Variants in CCDC91 observed in about 807,000 individuals in gnomAD.
The protein encoded by CCDC91 is coiled-coil domain-containing protein 91.
CCDC91 carries 48 observed loss-of-function variants against 63.2 expected under a neutral mutation model. The observed-to-expected ratio is 0.76, with a 90% CI of 0.60 to 0.97. The LOEUF is 0.97. CCDC91 is among the 50% of genes least tolerant of loss of function. The probability of loss-of-function intolerance (pLI) is 0.00; values close to 1 mark genes in which losing one functional copy is unlikely to be tolerated. For synonymous variants in CCDC91, 167 were observed against 165.8 expected (o/e 1.01, Z -0.06); for missense variants, 500 against 494.6 (o/e 1.01, Z -0.10).
chr12:28,508,469 T>C (rs1939000578), intron 12 of CCDC91, among the ~76,000 whole-genome samples: 1 of 151,866 alleles, frequency 6.6e-6, no homozygotes, highest in Non-Finnish European at 1.5e-5. Context: ...GCTTGTCTAT[T>C]TACAGTCAAA....
chr12:28,209,260 AAACCTTTTAT>A (rs1241335352), intron 1 of CCDC91, among the ~76,000 whole-genome samples: 1 of 152,204 alleles, frequency 6.6e-6, no homozygotes, highest in Middle Eastern at 3.2e-3. Context: ...AGATTCTCAT[AAACCTTTTAT>A]AACCTTTTAC....
At chr12:28,473,237 T>C (rs1950911346) in intron 11 of CCDC91, among the ~76,000 whole-genome samples, 1 of 152,152 alleles carries the variant, frequency 6.6e-6, no homozygotes, top group South Asian at 2.1e-4. Context: ...ACAGCAACTC[T>C]TTACTACTGC....
intron 12 of CCDC91, among the ~76,000 whole-genome samples, chr12:28,491,568 C>A (rs1952004412): frequency 6.6e-6 from 1 of 151,680 alleles, no homozygotes; most frequent in Admixed American, 6.6e-5. Flanking sequence ...TCAGGATGGA[C>A]TTTTGGTTTC....
At chr12:28,371,730 T>C (rs377158495) in intron 7 of CCDC91, among the ~76,000 whole-genome samples, 5 of 152,192 alleles carry the variant, frequency 3.3e-5, no homozygotes, top group East Asian at 1.9e-4. Flanking sequence ...GAGAAATCCA[T>C]GGATATGGAG....
chr12:28,234,453 C>T (rs1320849384), intron 1 of CCDC91, among the ~76,000 whole-genome samples: 1 of 152,100 alleles, frequency 6.6e-6, no homozygotes, highest in Non-Finnish European at 1.5e-5. Context: ...TCAACTTTTT[C>T]ATGGAAACAA....
intron 12 of CCDC91, among the ~76,000 whole-genome samples, chr12:28,524,653 T>C (rs559409777): frequency 1.1e-4 from 17 of 152,268 alleles, no homozygotes; most frequent in South Asian, 4.1e-4. Flanking sequence ...TTCTGTCTTG[T>C]AGAATAGTGT....
intron 1 of CCDC91, among the ~76,000 whole-genome samples, chr12:28,229,804 C>T (rs1944479155): frequency 1.3e-5 from 2 of 151,938 alleles, no homozygotes; most frequent in African/African-American, 2.4e-5. Flanking sequence ...TTTTAGCTCA[C>T]GTTGGACTAA....
intron 6 of CCDC91, among the ~76,000 whole-genome samples, chr12:28,326,911 T>A (rs1014526597): frequency 2.6e-5 from 4 of 151,836 alleles, no homozygotes; most frequent in African/African-American, 7.3e-5. Context: ...TTCGATGCAA[T>A]AGAATTGAAA....
At chr12:28,228,385 A>G (rs1020424453) in intron 1 of CCDC91, among the ~76,000 whole-genome samples, 2 of 152,120 alleles carry the variant, frequency 1.3e-5, no homozygotes, top group Non-Finnish European at 2.9e-5. Flanking sequence ...CTGTCTTTCT[A>G]TTAAACTGTG....
chr12:28,481,960 C>G (rs1951471905), intron 11 of CCDC91, among the ~76,000 whole-genome samples: 1 of 151,810 alleles, frequency 6.6e-6, no homozygotes, highest in Admixed American at 6.6e-5. Flanking sequence ...TAAATTGATG[C>G]TTTTGCTTTT....
chr12:28,330,125 A>G (rs1165532557), intron 6 of CCDC91, among the ~76,000 whole-genome samples: 1 of 152,182 alleles, frequency 6.6e-6, no homozygotes, highest in Non-Finnish European at 1.5e-5. Context: ...CATTGGGTCT[A>G]TACCCAGTAA....
chr12:28,513,898 T>C (rs1939651371), intron 12 of CCDC91, among the ~76,000 whole-genome samples: 2 of 151,930 alleles, frequency 1.3e-5, no homozygotes, highest in African/African-American at 4.8e-5. Context: ...GTCTTTGCTA[T>C]TGTGAATAGC....
At chr12:28,505,839 T>G (rs1239915022) in intron 12 of CCDC91, among the ~76,000 whole-genome samples, 1 of 152,004 alleles carries the variant, frequency 6.6e-6, no homozygotes, top group Non-Finnish European at 1.5e-5. Flanking sequence ...ATTTGCCTTG[T>G]ATTTCTTGAA....
intron 8 of CCDC91, among the ~76,000 whole-genome samples, chr12:28,424,658 A>T (rs1005925060): frequency 2.6e-5 from 4 of 152,136 alleles, no homozygotes; most frequent in Admixed American, 1.3e-4. Flanking sequence ...TTAATAATTT[A>T]AAATATTAAT....
At position 28,461,121 on chromosome 12, in the gene CCDC91, A is replaced by G. The variant is rs369127493; in HGVS notation, c.1101+8467A>G. ...GTAAGTGTGTATCTAAACAAAAAAA[A>G]AGAACAGTAAAAATACCTGTTATAA... On this transcript the variant is annotated intron_variant, in intron 11 of 12. Transcript: ENST00000536442. Among the ~76,000 whole-genome samples, 19 of 152,186 alleles carry G rather than the reference A, an allele frequency of 1.2e-4. No homozygotes were observed. The East Asian group carries it at 3.7e-3, about 29-fold the overall frequency.
At chr12:28,321,463 A>G (rs572356426) in intron 6 of CCDC91, among the ~76,000 whole-genome samples, 1 of 151,890 alleles carries the variant, frequency 6.6e-6, no homozygotes, top group Non-Finnish European at 1.5e-5. Flanking sequence ...TATGGATTGA[A>G]TGGTTTCCCC....
intron 8 of CCDC91, among the ~76,000 whole-genome samples, chr12:28,410,591 G>A (rs1947255797): frequency 6.6e-6 from 1 of 151,898 alleles, no homozygotes; most frequent in Non-Finnish European, 1.5e-5. Flanking sequence ...GCATGATCTC[G>A]GCTCACTGCA....
chr12:28,469,339 G>A (rs1950696194), intron 11 of CCDC91, among the ~76,000 whole-genome samples: 2 of 151,938 alleles, frequency 1.3e-5, no homozygotes, highest in South Asian at 4.2e-4. Context: ...ATTTACAGTA[G>A]GTACAAATGA....
At chr12:28,305,613 A>G in intron 3 of CCDC91, 36 bp from the exon 4 acceptor site, 1 of 1,563,662 alleles carries the variant, frequency 6.4e-7, no homozygotes, top group Non-Finnish European at 8.7e-7. Context: ...TCTCTTTAAT[A>G]ATCCTATCCT....
Sources: gnomAD v4.1 joint callset for allele counts (sites outside exome capture counted in the v4.1 genomes callset) on GRCh38, gnomAD v4.1.1 for gene constraint, MANE v1.5 for transcripts, NCBI Gene and HGNC (gene_info 2026-07-23, HGNC 2026-07-21) for gene names.